The following SPMIP11 variants were observed in gnomAD, a reference collection of about 807,000 sequenced individuals.
SPMIP11 encodes sperm microtubule inner protein 11.
At chr12:48,732,442 C>T in the SPMIP11 span, among the ~76,000 whole-genome samples, 6 of 152,096 alleles carry the variant, frequency 3.9e-5, no homozygotes, top group African/African-American at 1.2e-4. Context: ...AGGCATCAAG[C>T]TAGCAAGCTT....
the SPMIP11 span, chr12:48,770,729 T>C: frequency 6.3e-7 from 1 of 1,598,050 alleles, no homozygotes; most frequent in Non-Finnish European, 8.6e-7. Context: ...CTGGAAAAAG[T>C]CCTGGGAAAA....
the SPMIP11 span, among the ~76,000 whole-genome samples, chr12:48,743,230 TAAA>T: frequency 8.2e-6 from 1 of 121,344 alleles, no homozygotes. Flanking sequence ...CCATCTCTAC[TAAA>T]AAAAAAAAAA....
At chr12:48,728,013 C>T in the SPMIP11 span, among the ~76,000 whole-genome samples, 7 of 150,904 alleles carry the variant, frequency 4.6e-5, no homozygotes, top group African/African-American at 1.5e-4. Flanking sequence ...ATCACACCAC[C>T]GTACTCCAGC....
chr12:48,735,808 C>G, the SPMIP11 span, among the ~76,000 whole-genome samples: 1 of 151,886 alleles, frequency 6.6e-6, no homozygotes, highest in Admixed American at 6.6e-5. Context: ...TGCTTGAACC[C>G]GGGAGGTGGA....
At chr12:48,753,744 C>T in the SPMIP11 span, among the ~76,000 whole-genome samples, 1 of 148,310 alleles carries the variant, frequency 6.7e-6, no homozygotes, top group African/African-American at 2.5e-5. Context: ...CTCTGTCGCC[C>T]AGGCTGGAGT....
chr12:48,736,151 C>T, the SPMIP11 span: 2 of 436,262 alleles, frequency 4.6e-6, no homozygotes, highest in Non-Finnish European at 9.2e-6. Flanking sequence ...CGCCTGTAAT[C>T]CCAGGACTTT....
chr12:48,733,721 T>C, the SPMIP11 span, among the ~76,000 whole-genome samples: 1 of 150,940 alleles, frequency 6.6e-6, no homozygotes, highest in African/African-American at 2.4e-5. Flanking sequence ...CTGGAATGTA[T>C]ACCAAGGATA....
chr12:48,736,192 C>G, the SPMIP11 span: 1 of 388,086 alleles, frequency 2.6e-6, no homozygotes, highest in Non-Finnish European at 5.0e-6. Flanking sequence ...TTCCTTGAGC[C>G]CAGGAATTAG....
At chr12:48,733,748 T>C in the SPMIP11 span, among the ~76,000 whole-genome samples, 1 of 150,390 alleles carries the variant, frequency 6.6e-6, no homozygotes, top group Non-Finnish European at 1.5e-5. Context: ...GACTACTGTA[T>C]GTGTAAATGC....
the SPMIP11 span, among the ~76,000 whole-genome samples, chr12:48,738,648 C>T: frequency 2.6e-5 from 4 of 152,012 alleles, no homozygotes; most frequent in East Asian, 7.7e-4. Flanking sequence ...CATTCTCCTG[C>T]CTCAGCCTCC....
At chr12:48,752,025 C>T in the SPMIP11 span, among the ~76,000 whole-genome samples, 1 of 150,422 alleles carries the variant, frequency 6.6e-6, no homozygotes, top group African/African-American at 2.5e-5. Context: ...TCAGATCATG[C>T]CACTGTGCTC....
chr12:48,765,536 A>T, the SPMIP11 span: 5 of 700,344 alleles, frequency 7.1e-6, no homozygotes, highest in Non-Finnish European at 1.3e-5. Flanking sequence ...GCCTCTTGGG[A>T]GCTATTTTTA....
At chr12:48,743,519 T>C in the SPMIP11 span, among the ~76,000 whole-genome samples, 2 of 152,130 alleles carry the variant, frequency 1.3e-5, no homozygotes, top group African/African-American at 4.8e-5. Flanking sequence ...GAATTAAAAC[T>C]TGAGAGGCTG....
the SPMIP11 span, among the ~76,000 whole-genome samples, chr12:48,757,660 A>AAAATAAAAT: frequency 2.8e-5 from 2 of 71,132 alleles, no homozygotes; most frequent in African/African-American, 1.5e-4. Context: ...AAATAAAAAT[A>AAAATAAAAT]AAAATAAAAT....
chr12:48,765,677 C>T, the SPMIP11 span: 2 of 702,770 alleles, frequency 2.8e-6, no homozygotes, highest in Non-Finnish European at 5.2e-6. Flanking sequence ...TGCAGAAAGA[C>T]AAGATGAATT....
chr12:48,756,125 C>T, the SPMIP11 span, among the ~76,000 whole-genome samples: 3 of 151,842 alleles, frequency 2.0e-5, no homozygotes, highest in South Asian at 2.1e-4. Context: ...CCTCGTGATC[C>T]GCCTGCCTCG....
the SPMIP11 span, among the ~76,000 whole-genome samples, chr12:48,739,326 A>T: frequency 6.6e-6 from 1 of 152,152 alleles, no homozygotes; most frequent in African/African-American, 2.4e-5. Flanking sequence ...GAATCCTATT[A>T]TTCCTTCTCT....
chr12:48,744,525 G>A, the SPMIP11 span, among the ~76,000 whole-genome samples: 2 of 152,120 alleles, frequency 1.3e-5, no homozygotes, highest in Non-Finnish European at 2.9e-5. Flanking sequence ...CCTGAGTTCA[G>A]GAGTTTGAGG....
the SPMIP11 span, among the ~76,000 whole-genome samples, chr12:48,755,168 G>T: frequency 5.3e-5 from 8 of 152,128 alleles, no homozygotes; most frequent in African/African-American, 1.7e-4. Context: ...TAATTTGGAG[G>T]GATGGAACAT....
Sources: allele counts gnomAD v4.1 joint callset (sites outside exome capture counted in the v4.1 genomes callset), GRCh38; gene constraint gnomAD v4.1.1; transcripts MANE v1.5; gene names NCBI Gene and HGNC (gene_info 2026-07-23, HGNC 2026-07-21).